The following SMYD3 variants were observed in gnomAD, a reference collection of about 807,000 sequenced individuals.
SMYD3 encodes the protein SET and MYND domain containing 3.
A neutral mutation model predicts 57.7 loss-of-function variants in SMYD3; 36 were observed. The observed-to-expected ratio is 0.62, with a 90% CI of 0.48 to 0.82. SMYD3 has a LOEUF of 0.82. SMYD3 is among the 40% of genes least tolerant of loss of function. The pLI is 0.00. For missense variants in SMYD3, 515 were observed against 538.8 expected (o/e 0.96, Z 0.44); for synonymous variants, 211 against 195.0 (o/e 1.08, Z -0.68).
rs958703200 is a variant in SMYD3, at chr1:246,006,504, T to C, written c.532-76567A>G. Among the ~76,000 whole-genome samples, 3 of 152,210 alleles carry C rather than the reference T, an allele frequency of 2.0e-5. No homozygotes were observed. The South Asian group carries it at 6.2e-4, about 32-fold the overall frequency. ...TACTGCACATCTGTCTTTCCCCACA[T>C]ACTTACAAAGTTAGGGGGAAAGCTG... On this transcript the variant is annotated intron_variant, in intron 5 of 11. Coordinates refer to ENST00000490107, the MANE Select transcript of SMYD3 (RefSeq NM_001167740.2).
chr1:246,315,842 C>T (rs1157723574), intron 5 of SMYD3, among the ~76,000 whole-genome samples: 4 of 152,148 alleles, frequency 2.6e-5, no homozygotes, highest in East Asian at 1.9e-4. Context: ...TCTGGTTTGG[C>T]GAAGCCATCC....
chr1:245,863,382 C>G (rs1347449560), intron 9 of SMYD3, among the ~76,000 whole-genome samples: 1 of 152,156 alleles, frequency 6.6e-6, no homozygotes, highest in African/African-American at 2.4e-5. Flanking sequence ...CCATTGTAGT[C>G]GTGGCTGGTT....
At chr1:245,873,425 C>G (rs1446314582) in intron 8 of SMYD3, among the ~76,000 whole-genome samples, 1 of 152,134 alleles carries the variant, frequency 6.6e-6, no homozygotes, top group African/African-American at 2.4e-5. Context: ...GTAAACGCTA[C>G]CAGGTGGGAG....
chr1:246,185,299 G>A lies in SMYD3; in HGVS notation c.531+141902C>T, dbSNP rs112153650. Among the ~76,000 whole-genome samples the A allele has an allele frequency of 4.3e-3, 649 of 151,952 alleles. 6 individuals are homozygous for A. The highest frequency in any genetic ancestry group is 0.015 in the African/African-American group (622 of 41,424). On this transcript the variant is annotated intron_variant, in intron 5 of 11. Coordinates refer to ENST00000490107, the MANE Select transcript of SMYD3 (RefSeq NM_001167740.2). ...ATCCCCCAGGCTGGAGTGCAGTGGC[G>A]CGATCTCGGCTACTGCAACCTCCGC... is the stretch of plus-strand genomic sequence containing the variant.
At chr1:246,433,412 G>A (rs1053902943) in intron 1 of SMYD3, among the ~76,000 whole-genome samples, 3 of 152,202 alleles carry the variant, frequency 2.0e-5, no homozygotes, top group African/African-American at 7.2e-5. Flanking sequence ...TGTAATCCCA[G>A]CACTTTGGGA....
intron 5 of SMYD3, among the ~76,000 whole-genome samples, chr1:245,998,250 T>A (rs1055377932): frequency 3.3e-5 from 5 of 152,174 alleles, no homozygotes; most frequent in African/African-American, 1.2e-4. Context: ...GGGGAGGGAA[T>A]GGAGATCTTT....
intron 1 of SMYD3, among the ~76,000 whole-genome samples, chr1:246,450,010 G>A (rs1298077863): frequency 6.6e-5 from 10 of 152,072 alleles, no homozygotes; most frequent in Admixed American, 3.9e-4. Context: ...TCAACAGGCC[G>A]GGCATGGTGG....
intron 5 of SMYD3, among the ~76,000 whole-genome samples, chr1:246,299,577 C>T (rs1258852347): frequency 7.2e-5 from 11 of 152,042 alleles, no homozygotes; most frequent in Admixed American, 7.2e-4. Context: ...ATAGAAAAAG[C>T]ATGGACACCC....
Position 246,455,155 on chromosome 1 carries a change from T to C in SMYD3, c.164+51899A>G, listed in dbSNP as rs183876532. On this transcript the variant is annotated intron_variant, in intron 1 of 11. Coordinates refer to ENST00000490107, the MANE Select transcript of SMYD3 (RefSeq NM_001167740.2). ...CACAGTCAAGTCCAAGTCCCTGATC[T>C]GAAAGAGCTCATGTTATAGAGAATT... 5.9e-5 allele frequency among the ~76,000 whole-genome samples: 9 copies of C among 152,298 alleles called. No homozygotes were observed. In the East Asian group the frequency reaches 1.7e-3, roughly 29 times the overall value.
chr1:245,825,094 C>T (rs960578878), intron 10 of SMYD3, among the ~76,000 whole-genome samples: 12 of 152,088 alleles, frequency 7.9e-5, no homozygotes, highest in East Asian at 1.9e-4. Context: ...CAGGAATGGA[C>T]GTGTTACTCT....
At chr1:245,926,031 A>G (rs1046547416) in intron 7 of SMYD3, among the ~76,000 whole-genome samples, 2 of 152,180 alleles carry the variant, frequency 1.3e-5, no homozygotes, top group East Asian at 1.9e-4. Context: ...TGGCACCGGC[A>G]TCTGGGGAGG....
Position 246,365,258 on chromosome 1 carries a change from G to A in SMYD3, c.165-10164C>T, listed in dbSNP as rs142881952. Among the ~76,000 whole-genome samples the A allele has an allele frequency of 3.9e-3, 583 of 149,732 alleles. 2 individuals are homozygous for A. The highest frequency in any genetic ancestry group is 0.013 in the African/African-American group (510 of 40,780). ...GAAATTCATAGATCTAGAAGATAAA[G>A]AATAAGTAGATAAAGAAGATAAGAA... On this transcript the variant is annotated intron_variant, in intron 1 of 11. Transcript: ENST00000490107.
At chr1:246,338,031 T>C (rs1558409853) in intron 2 of SMYD3, among the ~76,000 whole-genome samples, 3 of 152,230 alleles carry the variant, frequency 2.0e-5, no homozygotes, top group Admixed American at 6.5e-5. Flanking sequence ...TCCTAGATCA[T>C]TGCCTGAAAA....
intron 5 of SMYD3, among the ~76,000 whole-genome samples, chr1:246,269,855 G>A (rs2064185017): frequency 6.6e-6 from 1 of 152,138 alleles, no homozygotes; most frequent in South Asian, 2.1e-4. Context: ...TTCCGGGCGT[G>A]TACCACCACA....
chr1:245,764,609 C>T (rs1378282765), intron 10 of SMYD3, among the ~76,000 whole-genome samples: 1 of 151,782 alleles, frequency 6.6e-6, no homozygotes, highest in Non-Finnish European at 1.5e-5. Flanking sequence ...CCTACCACAC[C>T]CCCCTTTTAA....
At chr1:246,108,420 C>T (rs916492307) in intron 5 of SMYD3, among the ~76,000 whole-genome samples, 2 of 152,210 alleles carry the variant, frequency 1.3e-5, no homozygotes, top group Admixed American at 6.5e-5. Context: ...CACACCCTCA[C>T]ACAATTAATG....
At chr1:245,751,622 A>AAAAAG in intron 11 of SMYD3, among the ~76,000 whole-genome samples, 1 of 131,262 alleles carries the variant, frequency 7.6e-6, no homozygotes, top group Admixed American at 7.6e-5. Context: ...GAGAGAGAAA[A>AAAAAG]AGAGAGAGAG....
At chr1:246,149,823 C>T (rs2061913826) in intron 5 of SMYD3, among the ~76,000 whole-genome samples, 1 of 152,230 alleles carries the variant, frequency 6.6e-6, no homozygotes, top group Non-Finnish European at 1.5e-5. Flanking sequence ...TCCTTGAAAG[C>T]ACCACCTATA....
intron 5 of SMYD3, among the ~76,000 whole-genome samples, chr1:246,256,981 T>C (rs1269320822): frequency 6.6e-6 from 1 of 152,226 alleles, no homozygotes; most frequent in Non-Finnish European, 1.5e-5. Flanking sequence ...TTGAGTCCTT[T>C]AAGGTACTGA....
Sources: allele counts gnomAD v4.1 joint callset (sites outside exome capture counted in the v4.1 genomes callset), GRCh38; gene constraint gnomAD v4.1.1; transcripts MANE v1.5; gene names NCBI Gene and HGNC (gene_info 2026-07-23, HGNC 2026-07-21).